Variants in SYT1 observed in about 807,000 individuals in gnomAD.
SYT1 encodes synaptotagmin 1.
In SYT1, 8 loss-of-function variants were observed where a neutral mutation model predicts 44.8. The observed-to-expected ratio is 0.18, with a 90% CI of 0.10 to 0.32. SYT1 has a LOEUF of 0.32. Among genes scored for constraint, SYT1 ranks in the 10% least tolerant of loss-of-function variants. The probability of loss-of-function intolerance (pLI) is 1.00; values close to 1 mark genes in which losing one functional copy is unlikely to be tolerated. For missense variants in SYT1, 286 were observed against 509.3 expected (o/e 0.56, Z 4.22); for synonymous variants, 154 against 188.8 (o/e 0.82, Z 1.51).
intron 8 of SYT1, among the ~76,000 whole-genome samples, chr12:79,322,567 T>C (rs906491848): frequency 6.6e-6 from 1 of 152,180 alleles, no homozygotes; most frequent in African/African-American, 2.4e-5. Flanking sequence ...CAGGACACTT[T>C]AATGTGCTAT....
intron 1 of SYT1, among the ~76,000 whole-genome samples, chr12:78,914,711 T>A (rs1022097180): frequency 6.6e-6 from 1 of 151,992 alleles, no homozygotes; most frequent in Admixed American, 6.6e-5. Flanking sequence ...TAAAGATATA[T>A]TCAGCTTAAG....
chr12:79,150,025 T>C (rs1870168422), intron 3 of SYT1, among the ~76,000 whole-genome samples: 2 of 152,238 alleles, frequency 1.3e-5, no homozygotes, highest in Non-Finnish European at 2.9e-5. Context: ...TTTTTATTTT[T>C]AATTTATAAA....
At chr12:78,934,793 T>C (rs1156690922) in intron 1 of SYT1, among the ~76,000 whole-genome samples, 1 of 152,196 alleles carries the variant, frequency 6.6e-6, no homozygotes, top group Non-Finnish European at 1.5e-5. Flanking sequence ...GAATGTGGCA[T>C]ATAATTTTTG....
chr12:79,242,206 G>T (rs551171744), intron 4 of SYT1, among the ~76,000 whole-genome samples: 1 of 152,194 alleles, frequency 6.6e-6, no homozygotes, highest in Non-Finnish European at 1.5e-5. Context: ...TGGATCACCT[G>T]GGTCCTTGTG....
chr12:79,305,927 C>T (rs1279547388), intron 8 of SYT1, among the ~76,000 whole-genome samples: 1 of 152,192 alleles, frequency 6.6e-6, no homozygotes, highest in Admixed American at 6.5e-5. Flanking sequence ...GAACTCATGA[C>T]CTCAAGTGAC....
chr12:79,147,821 G>T (rs938445643), intron 3 of SYT1, among the ~76,000 whole-genome samples: 1 of 152,158 alleles, frequency 6.6e-6, no homozygotes, highest in Non-Finnish European at 1.5e-5. Context: ...GTAAGTCAGG[G>T]TGAGGGTCAA....
intron 3 of SYT1, among the ~76,000 whole-genome samples, chr12:79,134,068 A>G (rs1869027442): frequency 6.6e-6 from 1 of 152,196 alleles, no homozygotes; most frequent in Non-Finnish European, 1.5e-5. Flanking sequence ...TTTCCCTGTG[A>G]CTCAGTAAAT....
intron 8 of SYT1, among the ~76,000 whole-genome samples, chr12:79,306,891 G>A (rs570377975): frequency 2.6e-5 from 4 of 152,126 alleles, no homozygotes; most frequent in African/African-American, 9.7e-5. Flanking sequence ...TTTACATCTG[G>A]TTTTTCATAT....
At chr12:79,223,707 T>C (rs1280439953) in intron 4 of SYT1, among the ~76,000 whole-genome samples, 1 of 152,156 alleles carries the variant, frequency 6.6e-6, no homozygotes, top group Non-Finnish European at 1.5e-5. Flanking sequence ...TGGCGATACA[T>C]ACCAGAGATC....
intron 9 of SYT1, among the ~76,000 whole-genome samples, chr12:79,415,567 C>T (rs1037170031): frequency 1.3e-5 from 2 of 152,164 alleles, no homozygotes; most frequent in African/African-American, 4.8e-5. Context: ...TAGCTGCCTA[C>T]GATTCCCTCG....
intron 2 of SYT1, among the ~76,000 whole-genome samples, chr12:79,044,939 C>T (rs1873898550): frequency 6.6e-6 from 1 of 152,200 alleles, no homozygotes; most frequent in South Asian, 2.1e-4. Flanking sequence ...TTAGGCCGCT[C>T]GGGGGTCAGG....
At chr12:79,074,890 AATAATGGGATTGGTTGG>A (rs1156572723) in intron 3 of SYT1, among the ~76,000 whole-genome samples, 1 of 152,124 alleles carries the variant, frequency 6.6e-6, no homozygotes, top group African/African-American at 2.4e-5. Flanking sequence ...CCCTCTTCTC[AATAATGGGATTGGTTGG>A]ATATTGCTTT....
At chr12:79,172,590 G>A (rs564741209) in intron 3 of SYT1, among the ~76,000 whole-genome samples, 1 of 151,734 alleles carries the variant, frequency 6.6e-6, no homozygotes, top group Non-Finnish European at 1.5e-5. Flanking sequence ...AAAGAATGGG[G>A]TTAGTTATGT....
intron 9 of SYT1, among the ~76,000 whole-genome samples, chr12:79,395,369 C>T (rs535294751): frequency 4.6e-5 from 7 of 152,150 alleles, no homozygotes; most frequent in African/African-American, 9.6e-5. Flanking sequence ...CAGGGGCCCA[C>T]GACCACGCCC....
At chr12:78,932,028 A>C (rs915859884) in intron 1 of SYT1, among the ~76,000 whole-genome samples, 4 of 152,214 alleles carry the variant, frequency 2.6e-5, no homozygotes, top group African/African-American at 9.6e-5. Context: ...GTATCAGTGC[A>C]GTCTGTTTGG....
intron 9 of SYT1, among the ~76,000 whole-genome samples, chr12:79,401,669 CT>C (rs199548732): frequency 0.15 from 20,474 of 138,736 alleles, 1,494 homozygotes; most frequent in East Asian, 0.42. Context: ...AAAACTCAAA[CT>C]TTTTTTTTTT....
At chr12:79,300,633 C>CTT (rs533928028) in intron 8 of SYT1, among the ~76,000 whole-genome samples, 1 of 151,800 alleles carries the variant, frequency 6.6e-6, no homozygotes, top group Non-Finnish European at 1.5e-5. Context: ...ACTTTTCACT[C>CTT]TAACATTGCT....
At chr12:79,233,028 T>C (rs1455578294) in intron 4 of SYT1, among the ~76,000 whole-genome samples, 4 of 152,206 alleles carry the variant, frequency 2.6e-5, no homozygotes, top group Non-Finnish European at 4.4e-5. Context: ...TCTTTAACAT[T>C]ATCATCTTCT....
At chr12:78,888,285 A>G (rs1261435130) in intron 1 of SYT1, among the ~76,000 whole-genome samples, 1 of 151,906 alleles carries the variant, frequency 6.6e-6, no homozygotes, top group African/African-American at 2.4e-5. Context: ...CTTAGACCTC[A>G]TCTTCATTTC....
Sources: gnomAD v4.1 joint callset for allele counts (sites outside exome capture counted in the v4.1 genomes callset) on GRCh38, gnomAD v4.1.1 for gene constraint, MANE v1.5 for transcripts, NCBI Gene and HGNC (gene_info 2026-07-23, HGNC 2026-07-21) for gene names.